PUM1: variants seen among roughly 807,000 people sequenced by gnomAD.
PUM1 encodes pumilio RNA binding family member 1, also known as pumilio homolog 1.
In PUM1, 13 loss-of-function variants were observed where a neutral mutation model predicts 131.8. That is an observed-to-expected ratio of 0.10 (90% CI 0.06 to 0.16). The LOEUF (loss-of-function observed/expected upper bound fraction) is 0.16. PUM1 is among the 10% of genes least tolerant of loss of function. PUM1 has a pLI of 1.00. For missense variants in PUM1, 961 were observed against 1,512.4 expected (o/e 0.64, Z 6.05); for synonymous variants, 509 against 556.5 (o/e 0.91, Z 1.20).
At chr1:30,984,152 T>A (rs1261444281) in intron 7 of PUM1, among the ~76,000 whole-genome samples, 1 of 152,228 alleles carries the variant, frequency 6.6e-6, no homozygotes, top group East Asian at 1.9e-4. Context: ...TCTTAGTAAT[T>A]ATGGTGAATA....
intron 2 of PUM1, among the ~76,000 whole-genome samples, chr1:31,043,192 A>G (rs553202479): frequency 6.7e-6 from 1 of 149,778 alleles, no homozygotes; most frequent in South Asian, 2.2e-4. Context: ...AATAAACTCT[A>G]ACAAATTAAA....
In PUM1 at chr1:31,007,088, A is replaced by G. The variant is rs755267252; in HGVS notation, c.447T>C (p.Gly149=). The change falls in exon 4 of 22, where the codon GGT becomes GGC. Residue 149 remains glycine (G), a synonymous_variant. Coordinates refer to ENST00000426105, the MANE Select transcript of PUM1 (RefSeq NM_001020658.2). ...GRAMGEQLLP[G]KKFWETDESS... is the part of the protein sequence containing the mutation. ...ATTCATCTGTTTCCCAAAACTTTTT[A>G]CCTGGCAAGAGCTGCTGCAAATTAA... 6.2e-7 allele frequency: 1 copy of G among 1,613,440 alleles called. No homozygotes were observed. The highest frequency in any genetic ancestry group is 1.7e-5 in the Admixed American group (1 of 60,002).
intron 10 of PUM1, among the ~76,000 whole-genome samples, chr1:30,974,218 TAA>T (rs1227732863): frequency 6.6e-6 from 1 of 152,228 alleles, no homozygotes; most frequent in African/African-American, 2.4e-5. Flanking sequence ...TATGATAGTT[TAA>T]GATTTACATC....
chr1:30,991,744 G>A (rs181060874), intron 7 of PUM1, among the ~76,000 whole-genome samples: 2 of 152,258 alleles, frequency 1.3e-5, no homozygotes, highest in African/African-American at 4.8e-5. Flanking sequence ...ACAGAGATCA[G>A]TTAATCCTAG....
In PUM1 at chr1:31,059,548, A is replaced by T. The variant is rs747977798; in HGVS notation, c.19T>A (p.Leu7Met). 1.2e-6 allele frequency: 2 copies of T among 1,613,602 alleles called. No individual in the cohort carries two copies. Among genetic ancestry groups the T allele is most frequent in the Non-Finnish European group, 1.7e-6 (2 of 1,179,720 alleles). Residue 7 changes from leucine to methionine, a missense_variant, in exon 2 of 22, where the codon TTG becomes ATG. Coordinates refer to ENST00000426105, the MANE Select transcript of PUM1 (RefSeq NM_001020658.2). ...TGCCAAAGCACTGCTTTTCTCTTCAAGACACATGCAACGCTCATTCCACCA... is the reference window on the plus strand; with the variant it reads ...TGCCAAAGCACTGCTTTTCTCTTCATGACACATGCAACGCTCATTCCACCA... Reference protein sequence around the residue: MSVACVLKRKAVLWQDS... With the variant: MSVACVMKRKAVLWQDS...
In PUM1 at chr1:30,966,120, A is replaced by C; in HGVS notation, c.1948T>G (p.Ser650Ala). 1.9e-6 allele frequency: 3 copies of C among 1,614,032 alleles called. No individual in the cohort carries two copies. Among genetic ancestry groups the C allele is most frequent in the Non-Finnish European group, 2.5e-6 (3 of 1,180,002 alleles). ...LASSSFYGNN[S>A]LNSNSQSSSL... ...CTGCTCTGTGAATTGCTGTTCAGAGAGTTGTTGCCGTAGAAAGAACTGGAT... is the reference window on the plus strand; with the variant it reads ...CTGCTCTGTGAATTGCTGTTCAGAGCGTTGTTGCCGTAGAAAGAACTGGAT... The change falls in exon 13 of 22, where the codon TCT becomes GCT. Residue 650 changes from serine to alanine, a missense_variant. Coordinates refer to ENST00000426105, the MANE Select transcript of PUM1 (RefSeq NM_001020658.2).
chr1:31,062,490 C>T (rs1644390524), intron 1 of PUM1, among the ~76,000 whole-genome samples: 3 of 151,826 alleles, frequency 2.0e-5, no homozygotes, highest in Admixed American at 6.6e-5. Context: ...TGTGGTGGCA[C>T]GCACCTGTAG....
At chr1:31,020,815 C>T (rs555617943) in intron 3 of PUM1, among the ~76,000 whole-genome samples, 1 of 152,286 alleles carries the variant, frequency 6.6e-6, no homozygotes, top group African/African-American at 2.4e-5. Context: ...AGAAAATAAA[C>T]TTTTGCTACA....
At chr1:30,952,672 A>AGG (rs1489893024) in intron 15 of PUM1, among the ~76,000 whole-genome samples, 3 of 10,532 alleles carry the variant, frequency 2.8e-4, no homozygotes, top group East Asian at 1.6e-3. Flanking sequence ...GGAAGATGAA[A>AGG]GCGGGGGGGG....
At chr1:31,001,005 T>C (rs1294546487) in intron 5 of PUM1, among the ~76,000 whole-genome samples, 2 of 151,802 alleles carry the variant, frequency 1.3e-5, no homozygotes, top group Non-Finnish European at 2.9e-5. Context: ...GCTAACACAG[T>C]GAAACCCCAT....
intron 2 of PUM1, among the ~76,000 whole-genome samples, chr1:31,038,974 A>ATT (rs1557599182): frequency 3.3e-5 from 1 of 30,706 alleles, no homozygotes; most frequent in African/African-American, 2.7e-4. Flanking sequence ...ATATATATAT[A>ATT]TATATATATA....
chr1:31,035,603 T>A (rs1195564081), intron 2 of PUM1, among the ~76,000 whole-genome samples: 1 of 150,828 alleles, frequency 6.6e-6, no homozygotes. Context: ...AATACAAAAT[T>A]AGCCGGGCAT....
intron 5 of PUM1, among the ~76,000 whole-genome samples, chr1:30,999,792 G>A (rs1642138359): frequency 6.6e-6 from 1 of 152,072 alleles, no homozygotes; most frequent in East Asian, 1.9e-4. Context: ...GTTTTATAAA[G>A]ATAAGCCATT....
At chr1:30,951,006 C>G (rs1639912976) in intron 16 of PUM1, among the ~76,000 whole-genome samples, 1 of 152,104 alleles carries the variant, frequency 6.6e-6, no homozygotes, top group Non-Finnish European at 1.5e-5. Context: ...TCAGTAGAAT[C>G]AAGAAGTGAG....
intron 3 of PUM1, among the ~76,000 whole-genome samples, chr1:31,010,893 G>A (rs1200577212): frequency 6.6e-6 from 1 of 152,180 alleles, no homozygotes. Context: ...TTTAGGCAGG[G>A]CGTGGTGGCT....
At chr1:31,056,594 C>G (rs566640591) in intron 2 of PUM1, among the ~76,000 whole-genome samples, 1 of 138,658 alleles carries the variant, frequency 7.2e-6, no homozygotes, top group Admixed American at 7.7e-5. Flanking sequence ...CAGCTGAAAA[C>G]CTTCCTTTTC....
intron 1 of PUM1, among the ~76,000 whole-genome samples, chr1:31,064,208 T>C (rs1392400294): frequency 6.6e-6 from 1 of 152,216 alleles, no homozygotes; most frequent in Non-Finnish European, 1.5e-5. Context: ...TTACCACACT[T>C]AACAAACATT....
intron 5 of PUM1, among the ~76,000 whole-genome samples, chr1:31,000,528 G>A (rs936995830): frequency 1.3e-5 from 2 of 152,118 alleles, no homozygotes; most frequent in Admixed American, 1.3e-4. Context: ...TGCACTTATG[G>A]CTCAACTTCC....
chr1:30,946,699 A>C (rs1557547762), intron 17 of PUM1, among the ~76,000 whole-genome samples: 1 of 150,598 alleles, frequency 6.6e-6, no homozygotes, highest in South Asian at 2.1e-4. Context: ...AAAAACAATA[A>C]AAAAGATTCA....
Sources: gnomAD v4.1 joint callset for allele counts (sites outside exome capture counted in the v4.1 genomes callset) on GRCh38, gnomAD v4.1.1 for gene constraint, MANE v1.5 for transcripts, NCBI Gene and HGNC (gene_info 2026-07-23, HGNC 2026-07-21) for gene names.